Variants in PDE11A observed in about 807,000 individuals in gnomAD.
The protein encoded by PDE11A is phosphodiesterase 11A.
In PDE11A, 100 loss-of-function variants were observed where a neutral mutation model predicts 100.5. The observed-to-expected ratio is 1.00, with a 90% confidence interval of 0.85 to 1.18. The LOEUF (loss-of-function observed/expected upper bound fraction) is 1.18. PDE11A is among the 50% of genes most tolerant of loss of function. PDE11A has a pLI of 0.00. For synonymous variants in PDE11A, 381 were observed against 420.8 expected (o/e 0.91, Z 1.16); for missense variants, 1,141 against 1,152.6 (o/e 0.99, Z 0.15).
rs569318672 is a variant in PDE11A, at chr2:177,955,628, C to T, written c.1072-50441G>A. Among the ~76,000 whole-genome samples the T allele has an allele frequency of 1.1e-4, 16 of 152,262 alleles. No individual in the cohort carries two copies. In the South Asian group the frequency reaches 3.3e-3, roughly 32 times the overall value. ...GGGGCTGGTCCACAAAAGAACAAAG[C>T]TGGAGGCATCACGCTACCTGACTTC... On this transcript the variant is annotated intron_variant, in intron 2 of 19. Transcript: ENST00000286063.
intron 2 of PDE11A, among the ~76,000 whole-genome samples, chr2:178,101,235 G>A (rs1370022333): frequency 6.6e-6 from 1 of 152,142 alleles, no homozygotes; most frequent in Non-Finnish European, 1.5e-5. Flanking sequence ...CAGAAATCAG[G>A]AAAGAACTAT....
intron 1 of PDE11A, among the ~76,000 whole-genome samples, chr2:178,020,745 C>A (rs1414499906): frequency 6.6e-6 from 1 of 152,014 alleles, no homozygotes; most frequent in African/African-American, 2.4e-5. Flanking sequence ...TTGCAGGGAG[C>A]CAAGATTGCG....
At chr2:177,761,246 A>G (rs533624342) in intron 10 of PDE11A, among the ~76,000 whole-genome samples, 4 of 152,162 alleles carry the variant, frequency 2.6e-5, no homozygotes, top group Admixed American at 6.5e-5. Context: ...TTATTTTCAT[A>G]TAGTTTAGGG....
intron 5 of PDE11A, among the ~76,000 whole-genome samples, chr2:177,851,868 T>C (rs1192581488): frequency 6.6e-6 from 1 of 152,048 alleles, no homozygotes; most frequent in Non-Finnish European, 1.5e-5. Flanking sequence ...CCAGTAACCA[T>C]TAGTTATTTT....
intron 7 of PDE11A, among the ~76,000 whole-genome samples, chr2:177,818,956 T>C (rs2083090047): frequency 1.3e-5 from 2 of 151,638 alleles, no homozygotes; most frequent in African/African-American, 4.8e-5. Flanking sequence ...CAAGAAGACA[T>C]ATATATATAA....
At chr2:177,981,150 A>G (rs1559031157) in intron 2 of PDE11A, among the ~76,000 whole-genome samples, 1 of 150,752 alleles carries the variant, frequency 6.6e-6, no homozygotes, top group Non-Finnish European at 1.5e-5. Context: ...TTGGGAAGAT[A>G]ATAATAGCCT....
chr2:178,028,801 C>G (rs1191560549), intron 1 of PDE11A, among the ~76,000 whole-genome samples: 1 of 152,196 alleles, frequency 6.6e-6, no homozygotes, highest in African/African-American at 2.4e-5. Flanking sequence ...AGCATTTACT[C>G]TCATGCAAAT....
intron 12 of PDE11A, 136 bp from the exon 13 acceptor site, chr2:177,712,014 A>C (rs1559155469): frequency 4.7e-6 from 3 of 641,356 alleles, no homozygotes; most frequent in African/African-American, 3.6e-5. Flanking sequence ...TCCCTCAGAC[A>C]ACAGTAAGTT....
chr2:177,932,797 A>T (rs2085223625), intron 2 of PDE11A, among the ~76,000 whole-genome samples: 1 of 151,704 alleles, frequency 6.6e-6, no homozygotes. Flanking sequence ...TCAACATAGC[A>T]CTGGAGGTGC....
Position 178,072,610 on chromosome 2 carries a change from G to GCT in PDE11A, c.-175_-174dup. 6.7e-7 allele frequency: 1 copy of GCT among 1,499,496 alleles called. No homozygotes were observed. Among genetic ancestry groups the GCT allele is most frequent in the Non-Finnish European group, 8.9e-7 (1 of 1,128,970 alleles). The allele number at this position is 1,499,496 out of a possible 1,614,324, so 92.9% of individuals were successfully genotyped here. A position where few individuals can be genotyped will look rare whatever the true frequency, so the allele number is the denominator to read the frequency against. On this transcript the variant is annotated 5_prime_UTR_variant, in exon 1 of 20. Coordinates refer to ENST00000286063, the MANE Select transcript of PDE11A (RefSeq NM_016953.4). ...CTGGGAGATGCCCCTTCCTTCTCTGGCTCAGAGTGGCTGGCGCCGACCCCA... is the reference window on the plus strand; with the variant it reads ...CTGGGAGATGCCCCTTCCTTCTCTGGCTCTCAGAGTGGCTGGCGCCGACCCCA...
At chr2:177,687,497 TAATTCTAGGC>T (rs1308587150) in intron 15 of PDE11A, 1 of 152,240 alleles carries the variant, frequency 6.6e-6, no homozygotes, top group Non-Finnish European at 1.5e-5. Flanking sequence ...TTGTTATATA[TAATTCTAGGC>T]CATTCCTTCA....
intron 2 of PDE11A, among the ~76,000 whole-genome samples, chr2:177,918,548 GA>G (rs1333976601): frequency 6.6e-6 from 1 of 152,086 alleles, no homozygotes; most frequent in East Asian, 1.9e-4. Flanking sequence ...CTCATGTAGG[GA>G]AAAGCAATAA....
chr2:178,075,319 G>GAC (rs2087193904), upstream of PDE11A, among the ~76,000 whole-genome samples: 1 of 152,128 alleles, frequency 6.6e-6, no homozygotes, highest in African/African-American at 2.4e-5. Context: ...TTGGGAGGAT[G>GAC]AGGCAGGCAG....
chr2:177,941,679 T>G (rs1447715267), intron 2 of PDE11A, among the ~76,000 whole-genome samples: 1 of 152,290 alleles, frequency 6.6e-6, no homozygotes, highest in Middle Eastern at 3.4e-3. Flanking sequence ...CCTCTCCCCA[T>G]GCTGCCATGG....
At chr2:177,955,586 T>G (rs569148795) in intron 2 of PDE11A, among the ~76,000 whole-genome samples, 1 of 152,216 alleles carries the variant, frequency 6.6e-6, no homozygotes, top group Non-Finnish European at 1.5e-5. Flanking sequence ...TGGCCTGAGA[T>G]TCTGCATTTC....
At chr2:177,988,610 G>A (rs2085967303) in intron 2 of PDE11A, among the ~76,000 whole-genome samples, 1 of 152,112 alleles carries the variant, frequency 6.6e-6, no homozygotes, top group Non-Finnish European at 1.5e-5. Context: ...TTTGAACAAG[G>A]GTCCCAGCCT....
At chr2:177,938,127 TG>T (rs1452691300) in intron 2 of PDE11A, among the ~76,000 whole-genome samples, 9 of 152,094 alleles carry the variant, frequency 5.9e-5, no homozygotes, top group Admixed American at 3.3e-4. Context: ...AAGGGAAGGT[TG>T]GAAGGGAGGA....
chr2:177,690,311 A>C (rs1240234281), intron 15 of PDE11A, among the ~76,000 whole-genome samples: 3 of 152,170 alleles, frequency 2.0e-5, no homozygotes. Context: ...TAATGGCTTA[A>C]GTTTTGTCAG....
chr2:177,917,438 C>A (rs35305315), intron 2 of PDE11A, among the ~76,000 whole-genome samples: 15,932 of 152,236 alleles, frequency 0.1, 1,148 homozygotes, highest in Non-Finnish European at 0.15. Flanking sequence ...AACCCAGTAA[C>A]CTTTGTTTCC....
Sources: gnomAD v4.1 joint callset for allele counts (sites outside exome capture counted in the v4.1 genomes callset) on GRCh38, gnomAD v4.1.1 for gene constraint, MANE v1.5 for transcripts, NCBI Gene and HGNC (gene_info 2026-07-23, HGNC 2026-07-21) for gene names.